Variants in CD302 observed in about 807,000 individuals in gnomAD.
CD302 encodes the protein CD302 molecule, also known as CD302 antigen.
Under a neutral mutation model 26.5 loss-of-function variants are expected in CD302, and 23 were observed. That is an observed-to-expected ratio of 0.87 (90% CI 0.62 to 1.23). The LOEUF (loss-of-function observed/expected upper bound fraction) is 1.23, where lower values mean the gene tolerates loss of function less well. Among genes scored for constraint, CD302 ranks in the 50% most tolerant of loss-of-function variants. The pLI is 0.00. For missense variants in CD302, 290 were observed against 275.5 expected, an observed-to-expected ratio of 1.05 and a Z score of -0.37; for synonymous variants, 90 against 99.4, an observed-to-expected ratio of 0.91 and a Z score of 0.56.
At chr2:159,794,185 A>G (rs1256020433) in intron 1 of CD302, among the ~76,000 whole-genome samples, 1 of 151,652 alleles carries the variant, frequency 6.6e-6, no homozygotes, top group Non-Finnish European at 1.5e-5. Flanking sequence ...GGATCACTTG[A>G]GCCCAGCAGG....
chr2:159,780,046 C>A lies in CD302; in HGVS notation c.428G>T (p.Cys143Phe). ...TGTTCCTTCCACAGAAGAAACTTCA[C>A]AATTTCCTTTTTTCCATTCACCTGT... ...IKTGEWKKGN[C>F]EVSSVEGTLC... Residue 143 changes from cysteine (C) to phenylalanine (F), a missense_variant, in exon 4 of 6, where the codon TGT becomes TTT. Cys to Phe is a radical substitution (Grantham distance 205, BLOSUM62 -2). Coordinates refer to ENST00000259053, the MANE Select transcript of CD302 (RefSeq NM_014880.5). 1 of 1,614,034 alleles carries A rather than the reference C, an allele frequency of 6.2e-7. No homozygotes were observed. The highest frequency in any genetic ancestry group is 8.5e-7 in the Non-Finnish European group (1 of 1,179,952).
At chr2:159,784,316 A>G (rs1708602755) in intron 1 of CD302, among the ~76,000 whole-genome samples, 1 of 150,388 alleles carries the variant, frequency 6.6e-6, no homozygotes, top group South Asian at 2.1e-4. Context: ...ATCTATATAA[A>G]TATGTAGCAA....
chr2:159,778,760 G>C (rs1708414929), intron 4 of CD302, among the ~76,000 whole-genome samples: 1 of 151,988 alleles, frequency 6.6e-6, no homozygotes, highest in Non-Finnish European at 1.5e-5. Context: ...GGCTGCCTCA[G>C]CCTCAAAAAG....
At chr2:159,780,312 A>G (rs1368603735) in intron 3 of CD302, 134 bp from the exon 4 acceptor site, 4 of 957,108 alleles carry the variant, frequency 4.2e-6, no homozygotes, top group Admixed American at 2.9e-5. Context: ...TTAAAATTAG[A>G]AGGAGGAATA....
At chr2:159,772,714 A>G (rs1477016289) in intron 5 of CD302, among the ~76,000 whole-genome samples, 1 of 152,234 alleles carries the variant, frequency 6.6e-6, no homozygotes. Context: ...TCGACTCTAA[A>G]GAATGTGAAA....
At chr2:159,781,086 A>G (rs886691305) in intron 2 of CD302, 88 bp from the exon 3 acceptor site, 1 of 1,007,872 alleles carries the variant, frequency 9.9e-7, no homozygotes, top group African/African-American at 1.6e-5. Flanking sequence ...ATAGTTGCTT[A>G]ACTTTCTATA....
chr2:159,770,859 C>T lies in CD302; in HGVS notation c.*992G>A, dbSNP rs1386687325. The T allele has an allele frequency of 6.6e-6, 1 of 151,932 alleles. No homozygotes were observed. The highest frequency in any genetic ancestry group is 1.5e-5 in the Non-Finnish European group (1 of 67,892). 9.4% of individuals were successfully genotyped at this position (151,932 alleles called of 1,614,324 possible). A position where few individuals can be genotyped will look rare whatever the true frequency, so the allele number is the denominator to read the frequency against. On this transcript the variant is annotated 3_prime_UTR_variant, in exon 6 of 6. Transcript: ENST00000259053. ...AACGTATCCCCATTGATAAGTGATA[C>T]GTGACTAATTTACGTGAAATTTATA...
At chr2:159,796,617 G>C (rs994921986) in intron 1 of CD302, among the ~76,000 whole-genome samples, 1 of 152,168 alleles carries the variant, frequency 6.6e-6, no homozygotes, top group African/African-American at 2.4e-5. Flanking sequence ...CTGACTGGGA[G>C]GAGCTGATTA....
At chr2:159,783,086 T>C (rs1208120186) in intron 2 of CD302, among the ~76,000 whole-genome samples, 1 of 152,216 alleles carries the variant, frequency 6.6e-6, no homozygotes, top group African/African-American at 2.4e-5. Flanking sequence ...AGGTAAAGTA[T>C]ATGAGGTGCT....
At chr2:159,786,766 C>G (rs1022888637) in intron 1 of CD302, among the ~76,000 whole-genome samples, 2 of 152,128 alleles carry the variant, frequency 1.3e-5, no homozygotes, top group African/African-American at 2.4e-5. Context: ...CATAAATATA[C>G]AGGTTGGTGA....
intron 4 of CD302, among the ~76,000 whole-genome samples, chr2:159,778,889 C>T (rs1484481894): frequency 1.3e-5 from 2 of 151,922 alleles, no homozygotes; most frequent in African/African-American, 4.8e-5. Flanking sequence ...AGTGTTTTAA[C>T]AAATAACATC....
chr2:159,792,950 T>A (rs557332404), intron 1 of CD302, among the ~76,000 whole-genome samples: 1 of 152,300 alleles, frequency 6.6e-6, no homozygotes, highest in African/African-American at 2.4e-5. Flanking sequence ...TCAAAAGATA[T>A]ATTTTTACTT....
At chr2:159,778,068 G>T in intron 4 of CD302, 104 bp from the exon 5 acceptor site, 1 of 404,666 alleles carries the variant, frequency 2.5e-6, no homozygotes, top group Non-Finnish European at 4.0e-6. Context: ...TTTATTAGTA[G>T]CTTAATATCA....
At chr2:159,779,642 T>A (rs2125799962) in intron 4 of CD302, among the ~76,000 whole-genome samples, 1 of 151,620 alleles carries the variant, frequency 6.6e-6, no homozygotes, top group South Asian at 2.1e-4. Flanking sequence ...TTTTTTTTTC[T>A]TTTTGAGACA....
intron 5 of CD302, among the ~76,000 whole-genome samples, chr2:159,774,430 A>G (rs1047780134): frequency 2.6e-5 from 4 of 152,166 alleles, no homozygotes; most frequent in Admixed American, 6.5e-5. Context: ...TCTAACACTG[A>G]TCATCTGAGG....
rs543633585 is a variant in CD302 at position 159,771,929 on chromosome 2, G to A, written c.621C>T (p.Thr207=). ...CTTCATTATAAGGTGATTGGGGTGCGGTTGAAAAAACTGTGGTGAAACGAG... is the reference window on the plus strand; with the variant it reads ...CTTCATTATAAGGTGATTGGGGTGCAGTTGAAAAAACTGTGGTGAAACGAG... ...SDSRFTTVFS[T]APQSPYNEDC... The change falls in exon 6 of 6, where the codon ACC becomes ACT. Residue 207 remains threonine, a synonymous_variant. Transcript: ENST00000259053. The A allele has an allele frequency of 1.5e-5, 24 of 1,613,776 alleles. No individual in the cohort carries two copies. The highest frequency in any genetic ancestry group is 1.6e-4 in the Middle Eastern group (1 of 6,082).
intron 4 of CD302, 39 bp from the exon 5 acceptor site, chr2:159,778,003 T>A: frequency 3.6e-6 from 3 of 830,296 alleles, no homozygotes; most frequent in African/African-American, 1.8e-5. Context: ...AATTTAATTA[T>A]GCTTTATTAT....
intron 4 of CD302, among the ~76,000 whole-genome samples, chr2:159,779,260 T>G (rs1016159579): frequency 3.6e-5 from 5 of 137,282 alleles, no homozygotes; most frequent in Non-Finnish European, 7.6e-5. Flanking sequence ...AAAAAAACCT[T>G]CTGACGGGTC....
rs539940422 is a variant in CD302, at chr2:159,777,611, C to T, written c.496+327G>A. Among the ~76,000 whole-genome samples, 7 of 152,150 alleles carry T rather than the reference C, an allele frequency of 4.6e-5. No individual in the cohort carries two copies. In the South Asian group the frequency reaches 1.5e-3, roughly 32 times the overall value. ...AAATTAGTTTAAAACTAGAAGTGAT[C>T]CAAATATCCATAAACAAGAGAATGG... On this transcript the variant is annotated intron_variant, in intron 5 of 5. Coordinates refer to ENST00000259053, the MANE Select transcript of CD302 (RefSeq NM_014880.5).
Sources: gnomAD v4.1 joint callset for allele counts (sites outside exome capture counted in the v4.1 genomes callset) on GRCh38, gnomAD v4.1.1 for gene constraint, MANE v1.5 for transcripts, NCBI Gene and HGNC (gene_info 2026-07-23, HGNC 2026-07-21) for gene names.